Variants in SPMIP3 observed in about 807,000 individuals in gnomAD.
SPMIP3 encodes the protein sperm microtubule inner protein 3, also known as protein SPMIP3.
chr1:244,364,540 C>T, the SPMIP3 span: 2 of 646,136 alleles, frequency 3.1e-6, no homozygotes, highest in Non-Finnish European at 2.7e-6. Flanking sequence ...TATTTCCTTC[C>T]CTAAATAGCC....
the SPMIP3 span, among the ~76,000 whole-genome samples, chr1:244,368,947 C>T: frequency 2.0e-5 from 3 of 152,174 alleles, no homozygotes; most frequent in Admixed American, 2.0e-4. Context: ...ATCATGAGGT[C>T]AAAAGATTGA....
chr1:244,367,192 A>G, the SPMIP3 span, among the ~76,000 whole-genome samples: 1 of 152,184 alleles, frequency 6.6e-6, no homozygotes, highest in Non-Finnish European at 1.5e-5. Context: ...TTGGGACGGT[A>G]GAGGCAGGAG....
chr1:244,355,959 T>C, the SPMIP3 span, among the ~76,000 whole-genome samples: 4 of 152,174 alleles, frequency 2.6e-5, no homozygotes, highest in African/African-American at 4.8e-5. Flanking sequence ...TGTTCTTTTT[T>C]TTATTTATCT....
At chr1:244,387,642 T>C in the SPMIP3 span, among the ~76,000 whole-genome samples, 3 of 152,192 alleles carry the variant, frequency 2.0e-5, no homozygotes, top group Non-Finnish European at 2.9e-5. Context: ...GTGAAATAGA[T>C]TCAAGTTGAA....
At chr1:244,374,104 C>A in the SPMIP3 span, among the ~76,000 whole-genome samples, 3 of 152,072 alleles carry the variant, frequency 2.0e-5, no homozygotes, top group Non-Finnish European at 2.9e-5. Context: ...CAGAGTGAGA[C>A]TCCGTCTCAA....
the SPMIP3 span, among the ~76,000 whole-genome samples, chr1:244,383,105 C>T: frequency 6.6e-6 from 1 of 152,218 alleles, no homozygotes; most frequent in African/African-American, 2.4e-5. Flanking sequence ...AACACTTTCA[C>T]TTACCCACAC....
the SPMIP3 span, chr1:244,388,904 G>A: frequency 1.9e-5 from 28 of 1,446,590 alleles, no homozygotes; most frequent in South Asian, 3.1e-4. Flanking sequence ...TTAAAAATTA[G>A]GAGTGAGTAG....
chr1:244,364,578 A>T, the SPMIP3 span: 1 of 926,024 alleles, frequency 1.1e-6, no homozygotes, highest in Non-Finnish European at 1.7e-6. Context: ...TACCATGTCA[A>T]ATATTTTTAC....
chr1:244,354,721 A>T, the SPMIP3 span, among the ~76,000 whole-genome samples: 5 of 152,176 alleles, frequency 3.3e-5, no homozygotes, highest in Non-Finnish European at 4.4e-5. Flanking sequence ...AATTTTTTAA[A>T]TGTTTTTCAA....
the SPMIP3 span, among the ~76,000 whole-genome samples, chr1:244,370,070 G>C: frequency 6.6e-6 from 1 of 152,280 alleles, no homozygotes; most frequent in South Asian, 2.1e-4. Context: ...AAATGACTTT[G>C]GGGCTGCTTT....
the SPMIP3 span, among the ~76,000 whole-genome samples, chr1:244,382,686 C>T: frequency 8.0e-5 from 12 of 149,412 alleles, no homozygotes; most frequent in Admixed American, 2.7e-4. Flanking sequence ...TCACTGCAAC[C>T]TCCACCTCCC....
At chr1:244,364,622 A>T in the SPMIP3 span, 1 of 1,329,966 alleles carries the variant, frequency 7.5e-7, no homozygotes, top group South Asian at 1.2e-5. Flanking sequence ...GTGGTACTAG[A>T]TATCTCACCC....
At chr1:244,363,806 A>T in the SPMIP3 span, among the ~76,000 whole-genome samples, 4 of 152,220 alleles carry the variant, frequency 2.6e-5, no homozygotes. Context: ...GAAAAGTGCC[A>T]TATGCTCCAC....
At chr1:244,380,980 C>G in the SPMIP3 span, among the ~76,000 whole-genome samples, 1 of 151,718 alleles carries the variant, frequency 6.6e-6, no homozygotes, top group Non-Finnish European at 1.5e-5. Context: ...GGAGCCTGAT[C>G]ACGGCGGGAG....
chr1:244,384,161 G>A, the SPMIP3 span, among the ~76,000 whole-genome samples: 125 of 152,316 alleles, frequency 8.2e-4, 1 homozygote, highest in Middle Eastern at 3.4e-3. Flanking sequence ...AGCATGGGGC[G>A]AAGATTGAAT....
the SPMIP3 span, among the ~76,000 whole-genome samples, chr1:244,352,980 C>T: frequency 6.6e-6 from 1 of 152,054 alleles, no homozygotes. Flanking sequence ...ACGGGTACAC[C>T]TATATTAAAT....
At chr1:244,362,172 C>A in the SPMIP3 span, among the ~76,000 whole-genome samples, 1 of 152,224 alleles carries the variant, frequency 6.6e-6, no homozygotes, top group African/African-American at 2.4e-5. Flanking sequence ...AGCTGGCCAG[C>A]CGGCAGGCAA....
At chr1:244,378,464 T>C in the SPMIP3 span, 2 of 1,606,250 alleles carry the variant, frequency 1.2e-6, no homozygotes, top group African/African-American at 1.3e-5. Flanking sequence ...TATTTCCATT[T>C]AGACCGCTCA....
At chr1:244,381,157 C>T in the SPMIP3 span, among the ~76,000 whole-genome samples, 1 of 151,338 alleles carries the variant, frequency 6.6e-6, no homozygotes, top group Admixed American at 6.6e-5. Flanking sequence ...GAAGGATGTA[C>T]GAGGCTTGGG....
Sources: allele counts gnomAD v4.1 joint callset (sites outside exome capture counted in the v4.1 genomes callset), GRCh38; gene constraint gnomAD v4.1.1; transcripts MANE v1.5; gene names NCBI Gene and HGNC (gene_info 2026-07-23, HGNC 2026-07-21).